The following PIM1 variants were observed in gnomAD, a reference collection of about 807,000 sequenced individuals.
The protein encoded by PIM1 is serine/threonine-protein kinase pim-1.
In PIM1, 9 loss-of-function variants were observed where a neutral mutation model predicts 34.5. The ratio of observed to expected loss-of-function variants is 0.26; its 90% confidence interval spans 0.16 to 0.46. The LOEUF (loss-of-function observed/expected upper bound fraction) is 0.46, where lower values mean the gene tolerates loss of function less well. PIM1 is among the 20% of genes least tolerant of loss of function. The pLI, the probability that PIM1 is intolerant of heterozygous loss-of-function variation, is 1.00. For missense variants in PIM1, 274 were observed against 410.9 expected (o/e 0.67, Z 2.88); for synonymous variants, 199 against 175.2 (o/e 1.14, Z -1.07).
In PIM1 at chr6:37,171,492, G is replaced by T; in HGVS notation, c.607+1G>T. 6.2e-7 allele frequency: 1 copy of T among 1,612,928 alleles called. No individual in the cohort carries two copies. Among genetic ancestry groups the T allele is most frequent in the Non-Finnish European group, 8.5e-7 (1 of 1,179,782 alleles). Reference sequence around the variant, plus strand: ...GACACCGTCTACACGGACTTCGATGGTGAGCCAGGCCCGGGAGGGAGCTGC... The same window carrying T: ...GACACCGTCTACACGGACTTCGATGTTGAGCCAGGCCCGGGAGGGAGCTGC... On this transcript the variant is annotated splice_donor_variant, in intron 4 of 5. Coordinates refer to ENST00000373509, the MANE Select transcript of PIM1 (RefSeq NM_002648.4). LOFTEE classifies it high-confidence loss of function.
At chr6:37,170,745 T>C in intron 1 of PIM1, 28 bp from the exon 2 acceptor site, 1 of 1,608,884 alleles carries the variant, frequency 6.2e-7, no homozygotes. Flanking sequence ...GGGCCGGCAC[T>C]GAGTCCCCGT....
At position 37,170,460 on chromosome 6, in the gene PIM1, C is replaced by CCCGCAG. The variant is rs1326412287; in HGVS notation, c.-113_-108dup. 1 of 1,555,740 alleles carries CCCGCAG rather than the reference C, an allele frequency of 6.4e-7. No homozygotes were observed. The highest frequency in any genetic ancestry group is 1.7e-4 in the Middle Eastern group (1 of 5,956). On this transcript the variant is annotated 5_prime_UTR_variant, in exon 1 of 6. Coordinates refer to ENST00000373509, the MANE Select transcript of PIM1 (RefSeq NM_002648.4). ...AGCCGCAGCCACAGCCGCAACGCCA[C>CCCGCAG]CCGCAGCCACAGCCACAGCCACAGC...
chr6:37,173,233 T>C (rs558342942), intron 5 of PIM1, 61 bp downstream of exon 5: 2 of 1,482,434 alleles, frequency 1.3e-6, no homozygotes, highest in African/African-American at 2.8e-5. Flanking sequence ...TTAGTCTTCA[T>C]GGGACAGTCT....
At position 37,173,038 on chromosome 6, in the gene PIM1, G is replaced by A. The variant is rs1244024334; in HGVS notation, c.650G>A (p.Arg217His). 4 of 1,613,974 alleles carry A rather than the reference G, an allele frequency of 2.5e-6. No individual in the cohort carries two copies. Among genetic ancestry groups the A allele is most frequent in the African/African-American group, 2.7e-5 (2 of 74,882 alleles). ...CCTCCAGAGTGGATCCGCTACCATC[G>A]CTACCATGGCAGGTCGGCGGCAGTC... Reference protein sequence around the residue: ...YSPPEWIRYHRYHGRSAAVWS... With the variant: ...YSPPEWIRYHHYHGRSAAVWS... The change falls in exon 5 of 6, where the codon CGC becomes CAC. Residue 217 changes from arginine (R) to histidine (H), a missense_variant. This residue lies in a region of PIM1 where 168 missense variants were observed against 299.4 expected (regional missense o/e 0.56). Transcript: ENST00000373509.
rs769345996 is a variant in PIM1, at chr6:37,170,344, A to T, written c.-232A>T. The T allele has an allele frequency of 6.7e-7, 1 of 1,501,426 alleles. No homozygotes were observed. 93.0% of individuals were successfully genotyped at this position (1,501,426 alleles called of 1,614,324 possible). A position where few individuals can be genotyped will look rare whatever the true frequency, so the allele number is the denominator to read the frequency against. On this transcript the variant is annotated 5_prime_UTR_variant, in exon 1 of 6. Coordinates refer to ENST00000373509, the MANE Select transcript of PIM1 (RefSeq NM_002648.4). ...ACGAGCCGCTCACCCCGCCGTTCTC[A>T]GCGCTGCCCGACCCCGCTGGCGCGC...
At position 37,171,278 on chromosome 6, in the gene PIM1, T is replaced by C. The variant is rs760353228; in HGVS notation, c.394T>C (p.Phe132Leu). The C allele has an allele frequency of 6.2e-7, 1 of 1,614,138 alleles. No individual in the cohort carries two copies. Among genetic ancestry groups the C allele is most frequent in the African/African-American group, 1.3e-5 (1 of 75,064 alleles). The change falls in exon 4 of 6, where the codon TTC becomes CTC. Residue 132 changes from phenylalanine (F) to leucine (L), a missense_variant. Phe to Leu is a conservative substitution (Grantham distance 22). This residue lies in a region of PIM1 where 168 missense variants were observed against 299.4 expected (regional missense o/e 0.56). Transcript: ENST00000373509. Reference sequence around the variant, plus strand: ...CGAGCCGGTGCAAGATCTCTTCGACTTCATCACGGAAAGGGGAGCCCTGCA... The same window carrying C: ...CGAGCCGGTGCAAGATCTCTTCGACCTCATCACGGAAAGGGGAGCCCTGCA... ...RPEPVQDLFD[F>L]ITERGALQEE...
chr6:37,173,874 C>A (rs889751798), intron 5 of PIM1, 60 bp from the exon 6 acceptor site: 26 of 1,514,962 alleles, frequency 1.7e-5, no homozygotes, highest in Middle Eastern at 1.7e-4. Flanking sequence ...ATGGGGAAGA[C>A]CTTTGCAGTG....
At position 37,172,908 on chromosome 6, in the gene PIM1, TA is replaced by T. The variant is rs377413008; in HGVS notation, c.608-84del. On this transcript the variant is annotated intron_variant, in intron 4 of 5. Transcript: ENST00000373509. ...TGAGAGAAGGGATTTTTTTTTTTTTTAAAAGAAAGAGTTATATATACCACCC... is the reference window on the plus strand; with the variant it reads ...TGAGAGAAGGGATTTTTTTTTTTTTTAAAGAAAGAGTTATATATACCACCC... 9.0e-3 allele frequency: 9,333 copies of T among 1,038,918 alleles called. 20 individuals are homozygous for T. The highest frequency in any genetic ancestry group is 0.013 in the East Asian group (481 of 36,530). 64.4% of individuals were successfully genotyped at this position (1,038,918 alleles called of 1,614,324 possible). A position where few individuals can be genotyped will look rare whatever the true frequency, so the allele number is the denominator to read the frequency against.
intron 4 of PIM1, chr6:37,172,348 GC>G: frequency 3.2e-6 from 1 of 316,032 alleles, no homozygotes; most frequent in Non-Finnish European, 6.3e-6. Flanking sequence ...AGTCTTTGCT[GC>G]CCCCTGGTGA....
Position 37,170,629 on chromosome 6 carries a change from C to G in PIM1, c.54C>G (p.Asn18Lys). The G allele has an allele frequency of 6.2e-7, 1 of 1,612,800 alleles. No homozygotes were observed. The highest frequency in any genetic ancestry group is 8.5e-7 in the Non-Finnish European group (1 of 1,179,538). The change falls in exon 1 of 6, where the codon AAC becomes AAG. Residue 18 changes from asparagine to lysine, a missense_variant. Physicochemically the swap from Asn to Lys is moderately conservative, Grantham distance 94. This residue lies in a region of PIM1 where 106 missense variants were observed against 111.5 expected (regional missense o/e 0.95). Transcript: ENST00000373509. ...CCCACCTGCGCGCCGCGCCCTGCAA[C>G]GACCTGCACGCCACCAAGCTGGCGC... Reference protein sequence around the residue: ...SLAHLRAAPCNDLHATKLAPG... With the variant: ...SLAHLRAAPCKDLHATKLAPG...
chr6:37,174,153 C>T lies in PIM1; in HGVS notation c.*62C>T. On this transcript the variant is annotated 3_prime_UTR_variant, in exon 6 of 6. Transcript: ENST00000373509. ...TGCCCGAGGGAGGGGAAGCTTCTGT[C>T]TCCAGCTTCCCGAGTACCAGTGACA... 1 of 1,513,918 alleles carries T rather than the reference C, an allele frequency of 6.6e-7. No individual in the cohort carries two copies. The highest frequency in any genetic ancestry group is 9.0e-7 in the Non-Finnish European group (1 of 1,112,944). The allele number at this position is 1,513,918 out of a possible 1,614,324, so 93.8% of individuals were successfully genotyped here.
intron 2 of PIM1, 22 bp downstream of exon 2, chr6:37,170,901 GGGAGGGCGCGCCGGGC>G: frequency 1.9e-6 from 3 of 1,611,970 alleles, no homozygotes; most frequent in Non-Finnish European, 2.5e-6. Context: ...CCCCGCGGTG[GGGAGGGCGCGCCGGGC>G]GGGGGGCGCA....
At position 37,170,999 on chromosome 6, in the gene PIM1, G is replaced by A. The variant is rs1300349300; in HGVS notation, c.208G>A (p.Glu70Lys). The A allele has an allele frequency of 1.2e-6, 2 of 1,613,974 alleles. No individual in the cohort carries two copies. The highest frequency in any genetic ancestry group is 2.2e-5 in the East Asian group (1 of 44,878). The change falls in exon 3 of 6, where the codon GAG (glutamate) becomes AAG (lysine). Residue 70 changes from glutamate (E) to lysine (K), a missense_variant. By Grantham distance (56) the Glu-to-Lys change is moderately conservative. This residue lies in a region of PIM1 where 106 missense variants were observed against 111.5 expected (regional missense o/e 0.95). Coordinates refer to ENST00000373509, the MANE Select transcript of PIM1 (RefSeq NM_002648.4). ...DNLPVAIKHVEKDRISDWGEL... is the reference protein window; with the variant it reads ...DNLPVAIKHVKKDRISDWGEL... ...CTTCCAGGTGGCCATCAAACACGTGGAGAAGGACCGGATTTCCGACTGGGG... is the reference window on the plus strand; with the variant it reads ...CTTCCAGGTGGCCATCAAACACGTGAAGAAGGACCGGATTTCCGACTGGGG...
Position 37,171,362 on chromosome 6 carries a change from A to G in PIM1, c.478A>G (p.Asn160Asp), listed in dbSNP as rs774435785. The G allele has an allele frequency of 6.2e-7, 1 of 1,614,002 alleles. No individual in the cohort carries two copies. The highest frequency in any genetic ancestry group is 1.7e-5 in the Admixed American group (1 of 60,032). ...GCTGGAGGCCGTGCGGCACTGCCAC[A>G]ACTGCGGGGTGCTCCACCGCGACAT... Reference protein sequence around the residue: ...QVLEAVRHCHNCGVLHRDIKD... With the variant: ...QVLEAVRHCHDCGVLHRDIKD... Residue 160 changes from asparagine (N) to aspartate (D), a missense_variant, in exon 4 of 6, where the codon AAC becomes GAC. Physicochemically the swap from Asn to Asp is conservative, Grantham distance 23. Transcript: ENST00000373509.
rs1583401186 is a variant in PIM1 at position 37,175,353 on chromosome 6, C to G, written c.*1262C>G. On this transcript the variant is annotated 3_prime_UTR_variant, in exon 6 of 6. Transcript: ENST00000373509. ...CTGCTGGTTTTATCTGAGTGAAATACTGTACAGGGGAATAAAAGAGATCTT... is the reference window on the plus strand; with the variant it reads ...CTGCTGGTTTTATCTGAGTGAAATAGTGTACAGGGGAATAAAAGAGATCTT... The G allele has an allele frequency of 4.3e-6, 1 of 233,250 alleles. No individual in the cohort carries two copies. The allele number at this position is 233,250 out of a possible 1,614,324, so 14.4% of individuals were successfully genotyped here.
Position 37,171,314 on chromosome 6 carries a change from G to T in PIM1, c.430G>T (p.Ala144Ser). ...TERGALQEEL[A>S]RSFFWQVLEA... ...AAGGGGAGCCCTGCAAGAGGAGCTG[G>T]CCCGCAGCTTCTTCTGGCAGGTGCT... Residue 144 changes from alanine to serine, a missense_variant, in exon 4 of 6, where the codon GCC (alanine) becomes TCC (serine). This residue lies in a region of PIM1 where 168 missense variants were observed against 299.4 expected (regional missense o/e 0.56). Transcript: ENST00000373509. 6.2e-7 allele frequency: 1 copy of T among 1,614,138 alleles called. No homozygotes were observed. Among genetic ancestry groups the T allele is most frequent in the South Asian group, 1.1e-5 (1 of 91,088 alleles).
chr6:37,172,030 T>C (rs1050087945), intron 4 of PIM1, among the ~76,000 whole-genome samples: 10 of 152,016 alleles, frequency 6.6e-5, no homozygotes, highest in African/African-American at 2.4e-4. Flanking sequence ...GGAATGAATG[T>C]TGTGAAATAA....
Position 37,170,260 on chromosome 6 carries a change from G to A in PIM1, c.-316G>A, listed in dbSNP as rs1762244204. On this transcript the variant is annotated 5_prime_UTR_variant, in exon 1 of 6. Transcript: ENST00000373509. ...GGCGGCGGGACCGGCAGCAGCAGCA[G>A]CAGCAGCAGCAGCAGCAACCACTAG... is the stretch of plus-strand genomic sequence containing the variant. 1 of 1,336,762 alleles carries A rather than the reference G, an allele frequency of 7.5e-7. No homozygotes were observed. The highest frequency in any genetic ancestry group is 9.6e-7 in the Non-Finnish European group (1 of 1,042,148). The allele number at this position is 1,336,762 out of a possible 1,614,324, so 82.8% of individuals were successfully genotyped here.
At chr6:37,173,464 TC>T (rs1444785649) in intron 5 of PIM1, among the ~76,000 whole-genome samples, 1 of 152,232 alleles carries the variant, frequency 6.6e-6, no homozygotes, top group Non-Finnish European at 1.5e-5. Context: ...ACCTGATAAT[TC>T]CTGGCTGTTT....
Sources: allele counts gnomAD v4.1 joint callset (sites outside exome capture counted in the v4.1 genomes callset), GRCh38; gene constraint gnomAD v4.1.1; regional missense constraint gnomAD v4.1.1; transcripts MANE v1.5; gene names NCBI Gene and HGNC (gene_info 2026-07-23, HGNC 2026-07-21).